Variants in PDS5A observed in about 807,000 individuals in gnomAD.
PDS5A encodes PDS5 cohesin associated factor A, also known as sister chromatid cohesion protein PDS5 homolog A.
In PDS5A, 42 loss-of-function variants were observed where a neutral mutation model predicts 167.1. That is an observed-to-expected ratio of 0.25 (90% CI 0.20 to 0.33). The LOEUF (loss-of-function observed/expected upper bound fraction) is 0.33. PDS5A is among the 10% of genes least tolerant of loss of function. The probability of loss-of-function intolerance (pLI) is 1.00; values close to 1 mark genes in which losing one functional copy is unlikely to be tolerated. For synonymous variants in PDS5A, 553 were observed against 554.6 expected (o/e 1.00, Z 0.04); for missense variants, 1,033 against 1,605.9 (o/e 0.64, Z 6.10).
At chr4:39,873,777 C>T (rs1270004127) in intron 20 of PDS5A, among the ~76,000 whole-genome samples, 1 of 152,146 alleles carries the variant, frequency 6.6e-6, no homozygotes, top group Non-Finnish European at 1.5e-5. Flanking sequence ...GGTGTGGTGG[C>T]TCATGTGTGT....
rs2109503667 is a variant in PDS5A at position 39,844,727 on chromosome 4, G to A, written c.3477C>T (p.Ser1159=). 6.2e-7 allele frequency: 1 copy of A among 1,613,246 alleles called. No individual in the cohort carries two copies. The highest frequency in any genetic ancestry group is 2.2e-5 in the East Asian group (1 of 44,868). Residue 1159 remains serine, a synonymous_variant, in exon 30 of 33, where the codon AGC becomes AGT. Coordinates refer to ENST00000303538, the MANE Select transcript of PDS5A (RefSeq NM_001100399.2). ...SATGRKPYVR[S]TGTETGSNIN... Reference sequence around the variant, plus strand: ...TATTGCTTCCAGTCTCAGTGCCAGTGCTTCTAACATAGGGTTTCCTTCCCG... The same window carrying A: ...TATTGCTTCCAGTCTCAGTGCCAGTACTTCTAACATAGGGTTTCCTTCCCG...
Position 39,920,841 on chromosome 4 carries a change from C to T in PDS5A, c.655-442G>A, listed in dbSNP as rs559671755. On this transcript the variant is annotated intron_variant, in intron 6 of 32. Transcript: ENST00000303538. ...TCTGGAGAAGAGTAGACCTGGTAAG[C>T]GTTTCAAATAAAAAGCGTTCTTGAT... is the stretch of plus-strand genomic sequence containing the variant. Among the ~76,000 whole-genome samples, 11 of 152,188 alleles carry T rather than the reference C, an allele frequency of 7.2e-5. No individual in the cohort carries two copies. The East Asian group carries it at 1.2e-3, about 16-fold the overall frequency.
At chr4:39,960,205 G>T (rs1304754467) in intron 2 of PDS5A, among the ~76,000 whole-genome samples, 1 of 152,098 alleles carries the variant, frequency 6.6e-6, no homozygotes, top group Non-Finnish European at 1.5e-5. Context: ...GGAGGCAAAG[G>T]TTGCAGTGAG....
chr4:39,929,742 TTTA>T lies in PDS5A; in HGVS notation c.139-1581_139-1579del, dbSNP rs199898610. On this transcript the variant is annotated intron_variant, in intron 2 of 32. Transcript: ENST00000303538. Reference sequence around the variant, plus strand: ...AGATTTTTTATCATGAGTGTAAAATTTTATTATTATTATTTTTTTTTGAGAAAG... The same window carrying T: ...AGATTTTTTATCATGAGTGTAAAATTTTATTATTATTTTTTTTTGAGAAAG... Among the ~76,000 whole-genome samples, 638 of 149,834 alleles carry T rather than the reference TTTA, an allele frequency of 4.3e-3. 5 individuals carry two copies. The highest frequency in any genetic ancestry group is 0.015 in the African/African-American group (600 of 40,672).
Position 39,874,325 on chromosome 4 carries a change from G to C in PDS5A, c.2241C>G (p.Phe747Leu). ...GTGCAAGCTGGACTTCTTTATTTGT[G>C]AATATGGCGTGTATACAGTGCACAG... ...KQAVHCIHAI[F>L]TNKEVQLAQI... Residue 747 changes from phenylalanine (F) to leucine (L), a missense_variant, in exon 20 of 33, where the codon TTC becomes TTG. Around this residue, in one of 4 missense-constraint regions of PDS5A, gnomAD observed 367 missense variants for 686.7 expected, o/e 0.53. Coordinates refer to ENST00000303538, the MANE Select transcript of PDS5A (RefSeq NM_001100399.2). 2 of 1,612,972 alleles carry C rather than the reference G, an allele frequency of 1.2e-6. No homozygotes were observed. Among genetic ancestry groups the C allele is most frequent in the Non-Finnish European group, 1.7e-6 (2 of 1,179,070 alleles).
chr4:39,867,210 CTTAT>C (rs1719535769), intron 22 of PDS5A, among the ~76,000 whole-genome samples: 2 of 151,852 alleles, frequency 1.3e-5, no homozygotes, highest in Non-Finnish European at 2.9e-5. Context: ...AATGTATTAA[CTTAT>C]TTAATCTCCC....
chr4:39,923,488 A>C (rs981968825), intron 5 of PDS5A, among the ~76,000 whole-genome samples: 4 of 152,040 alleles, frequency 2.6e-5, no homozygotes, highest in African/African-American at 9.7e-5. Context: ...TGTCTCTACA[A>C]AAAAATTAAA....
rs754081758 is a variant in PDS5A at position 39,837,939 on chromosome 4, C to T, written c.3927G>A (p.Leu1309=). 6.2e-7 allele frequency: 1 copy of T among 1,613,990 alleles called. No individual in the cohort carries two copies. The highest frequency in any genetic ancestry group is 1.7e-5 in the Admixed American group (1 of 60,022). The part of the protein sequence containing the change: ...AAVGQESPGG[L]EAGNAKAPKL... ...TGGGTGCTTTGGCATTACCTGCTTC[C>T]AAACCCCCAGGGCTCTCCTGACCCA... The change falls in exon 32 of 33, where the codon TTG becomes TTA. Residue 1309 remains leucine, a synonymous_variant. Coordinates refer to ENST00000303538, the MANE Select transcript of PDS5A (RefSeq NM_001100399.2).
chr4:39,918,028 A>G (rs575063536), intron 7 of PDS5A, among the ~76,000 whole-genome samples: 1 of 152,000 alleles, frequency 6.6e-6, no homozygotes, highest in Non-Finnish European at 1.5e-5. Flanking sequence ...AAAATAAAAA[A>G]ATTATCTGGG....
rs1293194054 is a variant in PDS5A at position 39,977,578 on chromosome 4, C to A, written c.-162G>T. On this transcript the variant is annotated 5_prime_UTR_variant, in exon 1 of 33. Coordinates refer to ENST00000303538, the MANE Select transcript of PDS5A (RefSeq NM_001100399.2). This position sits in a 1 kb window ranked among gnomAD's most constrained non-coding sequence, Gnocchi z 4.2. ...GCGGGTCCCGCCGCCGCCGCCGCCG[C>A]CGCCCGCCCGCCCGGGAGCGGCGCT... 1 of 161,290 alleles carries A rather than the reference C, an allele frequency of 6.2e-6. No individual in the cohort carries two copies. The highest frequency in any genetic ancestry group is 2.4e-5 in the African/African-American group (1 of 41,304). The allele number at this position is 161,290 out of a possible 1,614,324, so 10.0% of individuals were successfully genotyped here. A position where few individuals can be genotyped will look rare whatever the true frequency, so the allele number is the denominator to read the frequency against.
intron 16 of PDS5A, chr4:39,897,828 G>C (rs1422212047): frequency 6.5e-6 from 1 of 153,930 alleles, no homozygotes; most frequent in Non-Finnish European, 1.4e-5. Flanking sequence ...TTGTGCCACT[G>C]AACTCCAGCC....
intron 26 of PDS5A, among the ~76,000 whole-genome samples, chr4:39,861,033 C>A (rs1408844549): frequency 6.6e-6 from 1 of 150,800 alleles, no homozygotes; most frequent in Non-Finnish European, 1.5e-5. Flanking sequence ...CACTGCACTT[C>A]AGCCCGGGGG....
rs965159015 is a variant in PDS5A at position 39,930,407 on chromosome 4, T to C, written c.139-2243A>G. 3.3e-5 allele frequency among the ~76,000 whole-genome samples: 5 copies of C among 151,720 alleles called. No individual in the cohort carries two copies. In the East Asian group the frequency reaches 7.7e-4, roughly 23 times the overall value. On this transcript the variant is annotated intron_variant, in intron 2 of 32. Coordinates refer to ENST00000303538, the MANE Select transcript of PDS5A (RefSeq NM_001100399.2). ...CATGCCTGGGCTATTGAGTATTTTT[T>C]GACACCTATTGAGATAATCATACTT...
intron 30 of PDS5A, among the ~76,000 whole-genome samples, chr4:39,842,514 T>C (rs971004527): frequency 1.3e-5 from 2 of 152,234 alleles, no homozygotes; most frequent in African/African-American, 4.8e-5. Flanking sequence ...CCATGTTAAC[T>C]GATTTCATAT....
At position 39,928,178 on chromosome 4, in the gene PDS5A, C is replaced by CA. The variant is rs1406239236; in HGVS notation, c.139-15dup. Reference sequence around the variant, plus strand: ...TTTCACTACCATCTGTAAAAATGTACAAAAACACAAAATAATTAACTCCTG... The same window carrying CA: ...TTTCACTACCATCTGTAAAAATGTACAAAAAACACAAAATAATTAACTCCTG... On this transcript the variant is annotated splice_polypyrimidine_tract_variant and intron_variant, in intron 2 of 32. Coordinates refer to ENST00000303538, the MANE Select transcript of PDS5A (RefSeq NM_001100399.2). The CA allele has an allele frequency of 2.7e-6, 4 of 1,496,608 alleles. No homozygotes were observed. The highest frequency in any genetic ancestry group is 3.7e-6 in the Non-Finnish European group (4 of 1,084,096). The allele number at this position is 1,496,608 out of a possible 1,614,324, so 92.7% of individuals were successfully genotyped here. A position where few individuals can be genotyped will look rare whatever the true frequency, so the allele number is the denominator to read the frequency against.
intron 19 of PDS5A, 75 bp from the exon 20 acceptor site, chr4:39,874,487 T>C: frequency 8.4e-7 from 1 of 1,192,020 alleles, no homozygotes; most frequent in Non-Finnish European, 1.2e-6. Flanking sequence ...TGACTTCCAC[T>C]TCCCCTATAT....
chr4:39,928,076 T>C lies in PDS5A; in HGVS notation c.227A>G (p.Glu76Gly). Residue 76 changes from glutamate to glycine, a missense_variant, in exon 3 of 33, where the codon GAA (glutamate) becomes GGA (glycine). Glu to Gly is a moderately conservative substitution (Grantham distance 98). Coordinates refer to ENST00000303538, the MANE Select transcript of PDS5A (RefSeq NM_001100399.2). ...TTTATTGGGGTTCCTGAGGAAGAAT[T>C]CAGATGCAAGATGCAAGGCTAGTGG... ...YLPLALHLAS[E>G]FFLRNPNKDV... The C allele has an allele frequency of 6.2e-7, 1 of 1,613,378 alleles. No individual in the cohort carries two copies. Among genetic ancestry groups the C allele is most frequent in the Non-Finnish European group, 8.5e-7 (1 of 1,179,400 alleles).
intron 2 of PDS5A, among the ~76,000 whole-genome samples, chr4:39,929,749 T>G (rs188691885): frequency 6.6e-6 from 1 of 150,450 alleles, no homozygotes; most frequent in East Asian, 1.9e-4. Context: ...AATTTTATTA[T>G]TATTATTTTT....
chr4:39,918,931 G>A (rs1724663617), intron 7 of PDS5A, among the ~76,000 whole-genome samples: 1 of 152,096 alleles, frequency 6.6e-6, no homozygotes, highest in Non-Finnish European at 1.5e-5. Flanking sequence ...GAAGAAGATA[G>A]TTTTATCAAA....
Sources: gnomAD v4.1 joint callset for allele counts (sites outside exome capture counted in the v4.1 genomes callset) on GRCh38, gnomAD v4.1.1 for gene constraint, gnomAD v4.1.1 regional missense constraint, Gnocchi (gnomAD v3.1) non-coding constraint, MANE v1.5 for transcripts, NCBI Gene and HGNC (gene_info 2026-07-23, HGNC 2026-07-21) for gene names.